The following LRRC69 variants were observed in gnomAD, a reference collection of about 807,000 sequenced individuals.
The protein encoded by LRRC69 is leucine-rich repeat-containing protein 69.
In LRRC69, 42 loss-of-function variants were observed where a neutral mutation model predicts 37.8. That is an observed-to-expected ratio of 1.11 (90% confidence interval 0.87 to 1.44). The LOEUF (loss-of-function observed/expected upper bound fraction) is 1.44, where lower values mean the gene tolerates loss of function less well. LRRC69 is among the 40% of genes most tolerant of loss of function. LRRC69 has a pLI of 0.00. For missense variants in LRRC69, 357 were observed against 401.9 expected (o/e 0.89, Z 0.96); for synonymous variants, 141 against 143.1 (o/e 0.99, Z 0.11).
At chr8:91,194,784 C>A (rs1258441952) in intron 6 of LRRC69, among the ~76,000 whole-genome samples, 3 of 151,910 alleles carry the variant, frequency 2.0e-5, no homozygotes, top group African/African-American at 7.3e-5. Flanking sequence ...TTGATCCTTT[C>A]AAAAAACCAG....
At chr8:91,115,616 C>T (rs908677915) in intron 1 of LRRC69, among the ~76,000 whole-genome samples, 1 of 151,954 alleles carries the variant, frequency 6.6e-6, no homozygotes, top group Non-Finnish European at 1.5e-5. Flanking sequence ...TTTCTTTAAA[C>T]TTTTCCAGTC....
chr8:91,121,104 T>C (rs1813611439), intron 1 of LRRC69, among the ~76,000 whole-genome samples: 1 of 151,918 alleles, frequency 6.6e-6, no homozygotes, highest in Non-Finnish European at 1.5e-5. Context: ...ACATTCTGGC[T>C]CTTCATCCAA....
chr8:91,192,706 T>C (rs959678017), intron 6 of LRRC69, among the ~76,000 whole-genome samples: 5 of 152,206 alleles, frequency 3.3e-5, no homozygotes, highest in African/African-American at 1.2e-4. Flanking sequence ...TGTTTTTTTC[T>C]TGTAAATTTG....
At chr8:91,167,242 G>C (rs1809046246) in intron 5 of LRRC69, among the ~76,000 whole-genome samples, 1 of 151,746 alleles carries the variant, frequency 6.6e-6, no homozygotes, top group African/African-American at 2.4e-5. Context: ...CCATATGGTT[G>C]GGGAGGCCTC....
chr8:91,158,398 C>A, intron 5 of LRRC69: 1 of 1,395,606 alleles, frequency 7.2e-7, no homozygotes, highest in Non-Finnish European at 1.0e-6. Flanking sequence ...CTGATCACCC[C>A]AAGAAAGTAA....
intron 5 of LRRC69, among the ~76,000 whole-genome samples, chr8:91,140,624 A>G (rs922609832): frequency 6.9e-6 from 1 of 144,810 alleles, no homozygotes; most frequent in African/African-American, 2.6e-5. Context: ...TTAAATGAAT[A>G]TTCTTCAATA....
At chr8:91,148,595 A>T (rs370209304) in intron 5 of LRRC69, among the ~76,000 whole-genome samples, 15 of 151,892 alleles carry the variant, frequency 9.9e-5, no homozygotes, top group African/African-American at 3.4e-4. Flanking sequence ...TGGGTATATA[A>T]CCAGTAATGG....
chr8:91,189,573 C>T, exon 6 of LRRC69: 1 of 1,551,164 alleles, frequency 6.4e-7, no homozygotes, highest in Non-Finnish European at 8.7e-7. Flanking sequence ...CCCACTGTTC[C>T]TGCAGCAGCC....
intron 2 of LRRC69, among the ~76,000 whole-genome samples, chr8:91,126,590 C>A (rs1734090375): frequency 6.6e-6 from 1 of 151,942 alleles, no homozygotes; most frequent in Admixed American, 6.6e-5. Flanking sequence ...CATTTTGATT[C>A]CTGTGGACAT....
chr8:91,102,829 A>G (rs1426090804), exon 1 of LRRC69: 3 of 1,545,832 alleles, frequency 1.9e-6, no homozygotes, highest in African/African-American at 1.4e-5. Flanking sequence ...GTCCAGAGTT[A>G]TGCAACTTGA....
chr8:91,215,022 T>C (rs755587813), intron 7 of LRRC69, among the ~76,000 whole-genome samples: 4 of 152,072 alleles, frequency 2.6e-5, no homozygotes, highest in Non-Finnish European at 4.4e-5. Flanking sequence ...GGCCTTCTCA[T>C]ATCACCTCAC....
chr8:91,107,324 G>A (rs922278081), intron 1 of LRRC69, among the ~76,000 whole-genome samples: 1 of 151,198 alleles, frequency 6.6e-6, no homozygotes, highest in African/African-American at 2.4e-5. Context: ...TTTTAGTAGA[G>A]ACGGGGTTTC....
intron 5 of LRRC69, among the ~76,000 whole-genome samples, chr8:91,168,586 A>C (rs1183894372): frequency 2.0e-5 from 3 of 151,978 alleles, no homozygotes; most frequent in Non-Finnish European, 4.4e-5. Flanking sequence ...TGTAAAGTGC[A>C]AGCACGAAGA....
chr8:91,145,801 T>C (rs982120743), intron 5 of LRRC69, among the ~76,000 whole-genome samples: 4 of 151,950 alleles, frequency 2.6e-5, no homozygotes, highest in African/African-American at 9.6e-5. Flanking sequence ...CTGTTTCTTA[T>C]ATGGGGGTGG....
chr8:91,156,218 G>A (rs1318139469), intron 5 of LRRC69, among the ~76,000 whole-genome samples: 2 of 150,648 alleles, frequency 1.3e-5, no homozygotes, highest in African/African-American at 4.9e-5. Flanking sequence ...ATTTTTATTT[G>A]TTTCTATTTG....
At chr8:91,202,306 A>C (rs1454270511) in intron 7 of LRRC69, among the ~76,000 whole-genome samples, 1 of 152,226 alleles carries the variant, frequency 6.6e-6, no homozygotes, top group African/African-American at 2.4e-5. Context: ...GAAGTTTAAA[A>C]TCAGGTGTCA....
At chr8:91,201,384 A>G (rs1269350876) in intron 7 of LRRC69, among the ~76,000 whole-genome samples, 1 of 151,818 alleles carries the variant, frequency 6.6e-6, no homozygotes, top group Non-Finnish European at 1.5e-5. Context: ...CTACTACTTG[A>G]CTCTCCTTTG....
At chr8:91,176,559 G>T (rs944498419) in intron 5 of LRRC69, among the ~76,000 whole-genome samples, 2 of 152,090 alleles carry the variant, frequency 1.3e-5, no homozygotes, top group African/African-American at 4.8e-5. Context: ...ACATGATTAT[G>T]GGTTTGAGCA....
chr8:91,217,928 T>C, intron 7 of LRRC69, among the ~76,000 whole-genome samples: 1 of 152,150 alleles, frequency 6.6e-6, no homozygotes, highest in South Asian at 2.1e-4. Flanking sequence ...GTTGGAGGTC[T>C]GTGTGAAGGG....
Sources: gnomAD v4.1 joint callset for allele counts (sites outside exome capture counted in the v4.1 genomes callset) on GRCh38, gnomAD v4.1.1 for gene constraint, MANE v1.5 for transcripts, NCBI Gene and HGNC (gene_info 2026-07-23, HGNC 2026-07-21) for gene names.